Variants in NR2C1 observed in about 807,000 individuals in gnomAD.
NR2C1 encodes the protein nuclear receptor subfamily 2 group C member 1.
In NR2C1, 33 loss-of-function variants were observed where a neutral mutation model predicts 74.8. The ratio of observed to expected loss-of-function variants is 0.44; its 90% confidence interval spans 0.33 to 0.59. The LOEUF (loss-of-function observed/expected upper bound fraction) is 0.59, where lower values mean the gene tolerates loss of function less well. Among genes scored for constraint, NR2C1 ranks in the 20% least tolerant of loss-of-function variants. NR2C1 has a pLI of 0.02. For synonymous variants in NR2C1, 225 were observed against 240.6 expected (o/e 0.94, Z 0.60); for missense variants, 568 against 715.6 (o/e 0.79, Z 2.35).
At chr12:95,053,680 T>TG (rs1318656589) in intron 7 of NR2C1, among the ~76,000 whole-genome samples, 2 of 132,628 alleles carry the variant, frequency 1.5e-5, no homozygotes, top group African/African-American at 5.7e-5. Flanking sequence ...TTCTTTTTGG[T>TG]GTTTTTTTTT....
At position 95,073,616 on chromosome 12, in the gene NR2C1, A is replaced by C. The variant is rs1202711481; in HGVS notation, c.-244T>G. On this transcript the variant is annotated 5_prime_UTR_variant, in exon 1 of 14. Transcript: ENST00000333003. ...ATCCCGCCAGCGCCTGCGCATTAGC[A>C]ACGGGGAGAAGCGGCGAGAGGAGGT... is the stretch of plus-strand genomic sequence containing the variant. 6.6e-6 allele frequency: 1 copy of C among 152,280 alleles called. No individual in the cohort carries two copies. The highest frequency in any genetic ancestry group is 1.5e-5 in the Non-Finnish European group (1 of 68,094). 9.4% of individuals were successfully genotyped at this position (152,280 alleles called of 1,614,324 possible).
intron 10 of NR2C1, among the ~76,000 whole-genome samples, chr12:95,039,237 A>C (rs1350747840): frequency 6.6e-6 from 1 of 152,228 alleles, no homozygotes; most frequent in Non-Finnish European, 1.5e-5. Context: ...TAATAAACCA[A>C]ATTATAATGT....
At chr12:95,053,035 G>A (rs1873259750) in intron 7 of NR2C1, among the ~76,000 whole-genome samples, 1 of 151,628 alleles carries the variant, frequency 6.6e-6, no homozygotes, top group African/African-American at 2.4e-5. Context: ...CCAGGCTGGA[G>A]TGCAGTGGTG....
chr12:95,057,580 C>G lies in NR2C1; in HGVS notation c.756G>C (p.Glu252Asp). 1 of 1,613,832 alleles carries G rather than the reference C, an allele frequency of 6.2e-7. No homozygotes were observed. Among genetic ancestry groups the G allele is most frequent in the Non-Finnish European group, 8.5e-7 (1 of 1,179,784 alleles). ...TATCTGATGTCATCAGCACAGCTGACTCAGTTTTTACTCCAGATGGATGAA... is the reference window on the plus strand; with the variant it reads ...TATCTGATGTCATCAGCACAGCTGAGTCAGTTTTTACTCCAGATGGATGAA... ...MNIHPSGVKT[E>D]SAVLMTSDKA... The change falls in exon 7 of 14, where the codon GAG becomes GAC. Residue 252 changes from glutamate to aspartate, a missense_variant. By Grantham distance (45) the Glu-to-Asp change is conservative. Around this residue, in one of 6 missense-constraint regions of NR2C1, gnomAD observed 239 missense variants for 232.3 expected, o/e 1.03. Transcript: ENST00000333003.
chr12:95,032,050 T>A (rs887488679), intron 10 of NR2C1, among the ~76,000 whole-genome samples: 2 of 152,194 alleles, frequency 1.3e-5, no homozygotes, highest in African/African-American at 2.4e-5. Flanking sequence ...GTATTTTTAG[T>A]AGAGACAAGG....
intron 9 of NR2C1, among the ~76,000 whole-genome samples, chr12:95,041,886 T>C (rs1272929340): frequency 6.6e-6 from 1 of 152,192 alleles, no homozygotes; most frequent in African/African-American, 2.4e-5. Flanking sequence ...TGAAATTAAA[T>C]GCTGGCAACA....
intron 3 of NR2C1, 97 bp from the exon 4 acceptor site, chr12:95,060,081 G>A: frequency 1.0e-6 from 1 of 962,792 alleles, no homozygotes; most frequent in Non-Finnish European, 1.5e-6. Flanking sequence ...CATTCAGTTG[G>A]TCTTGCTTTG....
At position 95,059,962 on chromosome 12, in the gene NR2C1, T is replaced by G. The variant is rs113504024; in HGVS notation, c.308A>C (p.Asp103Ala). The change falls in exon 4 of 14, where the codon GAC becomes GCC. Residue 103 changes from aspartate (D) to alanine (A), a missense_variant. Around this residue, in one of 6 missense-constraint regions of NR2C1, gnomAD observed 128 missense variants for 118.9 expected, o/e 1.08. Coordinates refer to ENST00000333003, the MANE Select transcript of NR2C1 (RefSeq NM_003297.4). ...ATCAAAAACCTTATTTGGTCCTTGG[T>G]CTGGAGAATTATCTGTTAGGAGCTA... ...HLQLLTDNSP[D>A]QGPNKVFDLC... The G allele has an allele frequency of 6.5e-7, 1 of 1,539,604 alleles. No homozygotes were observed. Among genetic ancestry groups the G allele is most frequent in the Non-Finnish European group, 8.8e-7 (1 of 1,135,226 alleles).
Position 95,031,485 on chromosome 12 carries a change from T to G in NR2C1, c.1257A>C (p.Gln419His). 6.3e-7 allele frequency: 1 copy of G among 1,587,168 alleles called. No homozygotes were observed. Among genetic ancestry groups the G allele is most frequent in the Non-Finnish European group, 8.5e-7 (1 of 1,170,534 alleles). The change falls in exon 11 of 14, where the codon CAA becomes CAC. Residue 419 changes from glutamine (Q) to histidine (H), a missense_variant. Gln to His is a conservative substitution (Grantham distance 24). Around this residue, in one of 6 missense-constraint regions of NR2C1, gnomAD observed 39 missense variants for 64.6 expected, o/e 0.60. Transcript: ENST00000333003. Reference sequence around the variant, plus strand: ...CTTTCACCAGTGATATGCTGTTTTCTTGCCTATTAAAAACAGTAATAAAAG... The same window carrying G: ...CTTTCACCAGTGATATGCTGTTTTCGTGCCTATTAAAAACAGTAATAAAAG... ...LSIPSFQALG[Q>H]ENSISLVKAY...
rs567538094 is a variant in NR2C1 at position 95,027,715 on chromosome 12, G to A, written c.1531+672C>T. ...TGCACCACTACACTCCAGCCTGGGC[G>A]ACAGAGTGAGACTCAGTCTAAAAAA... On this transcript the variant is annotated intron_variant, in intron 12 of 13. Coordinates refer to ENST00000333003, the MANE Select transcript of NR2C1 (RefSeq NM_003297.4). 4.6e-5 allele frequency among the ~76,000 whole-genome samples: 7 copies of A among 151,856 alleles called. No individual in the cohort carries two copies. The East Asian group carries it at 9.7e-4, about 21-fold the overall frequency.
At position 95,022,273 on chromosome 12, in the gene NR2C1, C is replaced by G; in HGVS notation, c.1768G>C (p.Glu590Gln). ...ATTTGAGAGTTATAATCTGCAGGCT[C>G]CATTTTCAAAATATGTGGGATAACA... is the stretch of plus-strand genomic sequence containing the variant. ...DSVIPHILKM[E>Q]PADYNSQIIG... Residue 590 changes from glutamate to glutamine, a missense_variant, in exon 14 of 14, where the codon GAG (glutamate) becomes CAG (glutamine). Around this residue, in one of 6 missense-constraint regions of NR2C1, gnomAD observed 117 missense variants for 186.7 expected, o/e 0.63. Transcript: ENST00000333003. 6.2e-7 allele frequency: 1 copy of G among 1,612,330 alleles called. No individual in the cohort carries two copies. Among genetic ancestry groups the G allele is most frequent in the Non-Finnish European group, 8.5e-7 (1 of 1,179,638 alleles).
intron 1 of NR2C1, among the ~76,000 whole-genome samples, chr12:95,068,405 G>A (rs779594271): frequency 5.3e-5 from 8 of 152,168 alleles, no homozygotes; most frequent in Admixed American, 5.2e-4. Flanking sequence ...TGGGAGAACC[G>A]AATTCAGCCC....
chr12:95,040,608 CA>C lies in NR2C1; in HGVS notation c.1132-12del. The C allele has an allele frequency of 6.3e-7, 1 of 1,595,588 alleles. No individual in the cohort carries two copies. Among genetic ancestry groups the C allele is most frequent in the South Asian group, 1.1e-5 (1 of 87,660 alleles). The stretch of plus-strand genomic sequence containing the variant: ...AGAAGGCATGGTGAGCTAGTATGAA[CA>C]GGGATTTAGGTAAATTATCTTATGA... On this transcript the variant is annotated splice_polypyrimidine_tract_variant and intron_variant, in intron 9 of 13. Transcript: ENST00000333003.
At chr12:95,070,534 T>C (rs74632618) in intron 1 of NR2C1, among the ~76,000 whole-genome samples, 2,407 of 152,304 alleles carry the variant, frequency 0.016, 73 homozygotes, top group African/African-American at 0.053. Context: ...AAAATGTTCA[T>C]ATTGACTGGC....
chr12:95,046,911 A>G (rs867198655), intron 9 of NR2C1, among the ~76,000 whole-genome samples: 43 of 152,208 alleles, frequency 2.8e-4, no homozygotes, highest in African/African-American at 9.9e-4. Flanking sequence ...CCTTTTCAGG[A>G]GAGTAAGAAA....
chr12:95,041,551 A>G (rs1377742469), intron 9 of NR2C1, among the ~76,000 whole-genome samples: 1 of 152,218 alleles, frequency 6.6e-6, no homozygotes, highest in Non-Finnish European at 1.5e-5. Context: ...AATTACAGGT[A>G]TGCCTGTGGA....
intron 2 of NR2C1, among the ~76,000 whole-genome samples, chr12:95,066,733 C>T (rs1212802151): frequency 6.6e-6 from 1 of 152,148 alleles, no homozygotes; most frequent in Non-Finnish European, 1.5e-5. Flanking sequence ...TAAATGCTGA[C>T]ACATTTCATC....
At chr12:95,062,834 T>C in intron 2 of NR2C1, 96 bp from the exon 3 acceptor site, 1 of 859,838 alleles carries the variant, frequency 1.2e-6, no homozygotes, top group Non-Finnish European at 1.9e-6. Context: ...ATATATTCAA[T>C]ATAACACACA....
At chr12:95,030,867 T>C (rs200536302) in intron 11 of NR2C1, 25 of 1,612,810 alleles carry the variant, frequency 1.6e-5, no homozygotes, top group Middle Eastern at 1.7e-4. Context: ...TGCAATTACC[T>C]TGGCATCTAG....
Sources: gnomAD v4.1 joint callset for allele counts (sites outside exome capture counted in the v4.1 genomes callset) on GRCh38, gnomAD v4.1.1 for gene constraint, gnomAD v4.1.1 regional missense constraint, MANE v1.5 for transcripts, NCBI Gene and HGNC (gene_info 2026-07-23, HGNC 2026-07-21) for gene names.